Variants in MRPS14 observed in about 807,000 individuals in gnomAD.
MRPS14 encodes the protein mitochondrial ribosomal protein S14, also known as small ribosomal subunit protein uS14m.
A neutral mutation model predicts 16.4 loss-of-function variants in MRPS14; 14 were observed. The observed-to-expected ratio is 0.85, with a 90% confidence interval of 0.56 to 1.33. The LOEUF (loss-of-function observed/expected upper bound fraction) is 1.33. Among genes scored for constraint, MRPS14 ranks in the 40% most tolerant of loss-of-function variants. The probability of loss-of-function intolerance (pLI) is 0.00; values close to 1 mark genes in which losing one functional copy is unlikely to be tolerated. For synonymous variants in MRPS14, 54 were observed against 61.9 expected (o/e 0.87, Z 0.60); for missense variants, 162 against 176.8 (o/e 0.92, Z 0.48).
chr1:175,016,411 G>A (rs1255086500), intron 2 of MRPS14, among the ~76,000 whole-genome samples: 1 of 152,092 alleles, frequency 6.6e-6, no homozygotes, highest in Non-Finnish European at 1.5e-5. Context: ...GTTTACAAAT[G>A]AGGAAACTGG....
chr1:175,014,898 A>C, intron 2 of MRPS14, 47 bp from the exon 3 acceptor site: 1 of 1,537,444 alleles, frequency 6.5e-7, no homozygotes, highest in Non-Finnish European at 8.8e-7. Flanking sequence ...ATTGTTGCAC[A>C]TGTATTTTGC....
chr1:175,018,971 C>T (rs578203645), intron 1 of MRPS14, among the ~76,000 whole-genome samples: 2 of 152,238 alleles, frequency 1.3e-5, no homozygotes, highest in Non-Finnish European at 1.5e-5. Context: ...TCCCTTGCCC[C>T]ACAGGTATCC....
rs147983480 is a variant in MRPS14 at position 175,014,263 on chromosome 1, C to A, written c.*406G>T. On this transcript the variant is annotated 3_prime_UTR_variant, in exon 3 of 3. Transcript: ENST00000476371. Reference sequence around the variant, plus strand: ...AGCTCTGCAGGTCAGCAAAGCTAGTCCAGGATTACAAACTGCCATACATGA... The same window carrying A: ...AGCTCTGCAGGTCAGCAAAGCTAGTACAGGATTACAAACTGCCATACATGA... The A allele has an allele frequency of 2.8e-3, 811 of 287,076 alleles. No homozygotes were observed. The highest frequency in any genetic ancestry group is 4.1e-3 in the Non-Finnish European group (642 of 156,982). The allele number at this position is 287,076 out of a possible 1,614,324, so 17.8% of individuals were successfully genotyped here.
chr1:175,014,952 T>G (rs1672854230), intron 2 of MRPS14, 101 bp from the exon 3 acceptor site: 1 of 1,218,702 alleles, frequency 8.2e-7, no homozygotes, highest in Non-Finnish European at 1.1e-6. Context: ...TTTTTTTTTT[T>G]TTGAGACAGA....
At chr1:175,016,844 C>T (rs543479101) in intron 2 of MRPS14, among the ~76,000 whole-genome samples, 1 of 152,284 alleles carries the variant, frequency 6.6e-6, no homozygotes, top group Admixed American at 6.5e-5. Context: ...TTCAAGTACA[C>T]AATACAGTAC....
At chr1:175,016,418 C>A (rs918780200) in intron 2 of MRPS14, among the ~76,000 whole-genome samples, 2 of 152,096 alleles carry the variant, frequency 1.3e-5, no homozygotes, top group Non-Finnish European at 2.9e-5. Context: ...AATGAGGAAA[C>A]TGGGGCAAAG....
At chr1:175,016,172 C>T (rs1405355453) in intron 2 of MRPS14, among the ~76,000 whole-genome samples, 1 of 139,062 alleles carries the variant, frequency 7.2e-6, no homozygotes, top group African/African-American at 2.7e-5. Context: ...CCAGCCTGGG[C>T]AACAAGAGCA....
Position 175,023,351 on chromosome 1 carries a change from G to T in MRPS14, c.45+13C>A. 1.2e-6 allele frequency: 2 copies of T among 1,613,914 alleles called. No homozygotes were observed. The highest frequency in any genetic ancestry group is 8.5e-7 in the Non-Finnish European group (1 of 1,179,940). ...GTGAGGGGTAGCGGTGTGGATAAAA[G>T]TAGAGGCCTGACCTGCTTGAACGTC... On this transcript the variant is annotated intron_variant, in intron 1 of 2. Coordinates refer to ENST00000476371, the MANE Select transcript of MRPS14 (RefSeq NM_022100.3).
chr1:175,023,233 G>A (rs1158918909), intron 1 of MRPS14, 131 bp downstream of exon 1: 45 of 1,548,454 alleles, frequency 2.9e-5, no homozygotes, highest in Middle Eastern at 1.7e-4. Flanking sequence ...GCCCAAGCGC[G>A]GAAGAGGGCG....
At chr1:175,023,333 G>A (rs1377509340) in intron 1 of MRPS14, 31 bp downstream of exon 1, 4 of 1,612,122 alleles carry the variant, frequency 2.5e-6, no homozygotes, top group Non-Finnish European at 3.4e-6. Flanking sequence ...GCGGTGAGGG[G>A]TAGCGGTGTG....
intron 1 of MRPS14, 170 bp downstream of exon 1, chr1:175,023,194 A>T: frequency 6.7e-7 from 1 of 1,490,386 alleles, no homozygotes; most frequent in Non-Finnish European, 8.9e-7. Flanking sequence ...CCAAATTGAC[A>T]TCTGCAGCTC....
Position 175,014,591 on chromosome 1 carries a change from G to A in MRPS14, c.*78C>T. On this transcript the variant is annotated 3_prime_UTR_variant, in exon 3 of 3. Transcript: ENST00000476371. The stretch of plus-strand genomic sequence containing the variant: ...TGGGCCCCTGTAGAGATTAGGGTTT[G>A]GTCTATTAAAAAAAATCTTTGCTTG... 6.9e-7 allele frequency: 1 copy of A among 1,448,180 alleles called. No individual in the cohort carries two copies. Among genetic ancestry groups the A allele is most frequent in the Non-Finnish European group, 9.3e-7 (1 of 1,070,426 alleles). The allele number at this position is 1,448,180 out of a possible 1,614,324, so 89.7% of individuals were successfully genotyped here.
intron 1 of MRPS14, among the ~76,000 whole-genome samples, chr1:175,021,720 A>C (rs1365430272): frequency 6.6e-6 from 1 of 152,068 alleles, no homozygotes; most frequent in Non-Finnish European, 1.5e-5. Flanking sequence ...ACTTACTCCA[A>C]TTCTCCTGAC....
At chr1:175,022,256 C>T (rs773292804) in intron 1 of MRPS14, among the ~76,000 whole-genome samples, 10 of 151,730 alleles carry the variant, frequency 6.6e-5, no homozygotes, top group Non-Finnish European at 1.2e-4. Flanking sequence ...TTTGGATATA[C>T]CTGGTTAAAT....
rs1672821693 is a variant in MRPS14 at position 175,013,528 on chromosome 1, C to G, written c.*1141G>C. ...CTAATACCACAATGTTAGTTCAGGC[C>G]TTCATCTTCCTCAACAACTAAGACA... On this transcript the variant is annotated 3_prime_UTR_variant, in exon 3 of 3. Transcript: ENST00000476371. The G allele has an allele frequency of 1.3e-5, 2 of 152,158 alleles. No individual in the cohort carries two copies. Among genetic ancestry groups the G allele is most frequent in the East Asian group, 3.8e-4 (2 of 5,202 alleles). The allele number at this position is 152,158 out of a possible 1,614,324, so 9.4% of individuals were successfully genotyped here.
At chr1:175,022,964 A>G (rs1673007362) in intron 1 of MRPS14, among the ~76,000 whole-genome samples, 1 of 152,014 alleles carries the variant, frequency 6.6e-6, no homozygotes. Context: ...TCACACTTTG[A>G]AATTCTGTCA....
rs774270337 is a variant in MRPS14 at position 175,023,385 on chromosome 1, C to G, written c.24G>C (p.Ser8=). 3.1e-6 allele frequency: 5 copies of G among 1,614,140 alleles called. No individual in the cohort carries two copies. The highest frequency in any genetic ancestry group is 4.2e-6 in the Non-Finnish European group (5 of 1,180,020). ...TGACCTGCTTGAACGTCCGCAGCAG[C>G]GAGCCCAGCATGAAGGCCGCCATGT... MAAFMLG[S]LLRTFKQMVP... The change falls in exon 1 of 3, where the codon TCG becomes TCC. Residue 8 remains serine, a synonymous_variant. Transcript: ENST00000476371.
intron 1 of MRPS14, chr1:175,023,128 C>A: frequency 1.0e-6 from 1 of 996,166 alleles, no homozygotes; most frequent in Admixed American, 2.9e-5. Context: ...TACTCCCTTA[C>A]AAATCGGAGT....
chr1:175,017,896 T>C (rs1480689130), intron 2 of MRPS14, among the ~76,000 whole-genome samples: 10 of 152,108 alleles, frequency 6.6e-5, no homozygotes, highest in Non-Finnish European at 1.3e-4. Context: ...GAGGCCCAGA[T>C]GGGTGGATCA....
Sources: allele counts gnomAD v4.1 joint callset (sites outside exome capture counted in the v4.1 genomes callset), GRCh38; gene constraint gnomAD v4.1.1; transcripts MANE v1.5; gene names NCBI Gene and HGNC (gene_info 2026-07-23, HGNC 2026-07-21).